The following ZMAT4 variants were observed in gnomAD, a reference collection of about 807,000 sequenced individuals.
ZMAT4 encodes the protein zinc finger matrin-type protein 4.
In ZMAT4, 17 loss-of-function variants were observed where a neutral mutation model predicts 28.7. The ratio of observed to expected loss-of-function variants is 0.59; its 90% CI spans 0.41 to 0.89. ZMAT4 has a LOEUF of 0.89. Among genes scored for constraint, ZMAT4 ranks in the 40% least tolerant of loss-of-function variants. The probability of loss-of-function intolerance (pLI) is 0.00; values close to 1 mark genes in which losing one functional copy is unlikely to be tolerated. For missense variants in ZMAT4, 240 were observed against 283.8 expected, an observed-to-expected ratio of 0.85 and a Z score of 1.11; for synonymous variants, 117 against 109.2, an observed-to-expected ratio of 1.07 and a Z score of -0.44.
chr8:40,749,652 A>G (rs911017564), intron 3 of ZMAT4, among the ~76,000 whole-genome samples: 3 of 152,212 alleles, frequency 2.0e-5, no homozygotes, highest in African/African-American at 4.8e-5. Flanking sequence ...TACTCTCACA[A>G]AAAATGTTCT....
chr8:40,714,432 A>G (rs1018817778), intron 3 of ZMAT4, among the ~76,000 whole-genome samples: 13 of 152,368 alleles, frequency 8.5e-5, no homozygotes, highest in Non-Finnish European at 1.9e-4. Context: ...TTGATACATT[A>G]GGAAAAAGCT....
intron 6 of ZMAT4, among the ~76,000 whole-genome samples, chr8:40,555,904 G>A (rs756268118): frequency 6.6e-5 from 10 of 151,958 alleles, no homozygotes; most frequent in Admixed American, 2.0e-4. Flanking sequence ...CCACTCAACC[G>A]ACTGCCTTGG....
intron 5 of ZMAT4, among the ~76,000 whole-genome samples, chr8:40,664,568 G>A (rs1193509276): frequency 2.0e-5 from 3 of 152,182 alleles, no homozygotes; most frequent in Non-Finnish European, 4.4e-5. Context: ...GGCTTTAGGA[G>A]TAGACCCTCC....
chr8:40,887,444 G>A (rs561012909), intron 1 of ZMAT4, among the ~76,000 whole-genome samples: 1 of 145,824 alleles, frequency 6.9e-6, no homozygotes, highest in Admixed American at 6.9e-5. Flanking sequence ...AGCTGAGATT[G>A]TACCACTGCA....
chr8:40,870,687 A>G (rs1234961423), intron 1 of ZMAT4, among the ~76,000 whole-genome samples: 2 of 152,208 alleles, frequency 1.3e-5, no homozygotes, highest in African/African-American at 4.8e-5. Flanking sequence ...TGGCACCAAC[A>G]TGTCCTTCAA....
chr8:40,541,132 A>T (rs1803014749), intron 6 of ZMAT4, among the ~76,000 whole-genome samples: 1 of 152,220 alleles, frequency 6.6e-6, no homozygotes, highest in African/African-American at 2.4e-5. Context: ...CATACCTGGT[A>T]CATATGGAGC....
chr8:40,772,678 T>C (rs1400615166), intron 2 of ZMAT4, among the ~76,000 whole-genome samples: 1 of 152,238 alleles, frequency 6.6e-6, no homozygotes, highest in African/African-American at 2.4e-5. Flanking sequence ...AAATAAGCTT[T>C]AAGATCCATT....
intron 3 of ZMAT4, among the ~76,000 whole-genome samples, chr8:40,715,312 C>A (rs1398506956): frequency 6.6e-6 from 1 of 151,996 alleles, no homozygotes; most frequent in African/African-American, 2.4e-5. Flanking sequence ...CCAAACAGAG[C>A]CTTATAGCTG....
At chr8:40,808,575 CA>C (rs745844578) in intron 2 of ZMAT4, 55,652 of 340,292 alleles carry the variant, frequency 0.16, no homozygotes, top group South Asian at 0.25. Flanking sequence ...CACCACACTG[CA>C]AAAAAAAAAA....
chr8:40,884,035 A>G (rs1411154091), intron 1 of ZMAT4, among the ~76,000 whole-genome samples: 1 of 152,148 alleles, frequency 6.6e-6, no homozygotes, highest in Admixed American at 6.5e-5. Context: ...ACTCTCTGTC[A>G]TTGTCTGGCA....
At position 40,621,137 on chromosome 8, in the gene ZMAT4, T is replaced by A. The variant is rs78808138; in HGVS notation, c.578-39876A>T. Reference sequence around the variant, plus strand: ...TGGGCTCAGTGGAGGCAGAACACTGTAGTTAAAATCTCAGCCCTACCAGCG... The same window carrying A: ...TGGGCTCAGTGGAGGCAGAACACTGAAGTTAAAATCTCAGCCCTACCAGCG... On this transcript the variant is annotated intron_variant, in intron 5 of 6. Coordinates refer to ENST00000297737, the MANE Select transcript of ZMAT4 (RefSeq NM_024645.3). Among the ~76,000 whole-genome samples, 489 of 152,242 alleles carry A rather than the reference T, an allele frequency of 3.2e-3. 6 individuals are homozygous for A. The highest frequency in any genetic ancestry group is 0.011 in the African/African-American group (449 of 41,550).
At chr8:40,714,909 C>T (rs993378329) in intron 3 of ZMAT4, among the ~76,000 whole-genome samples, 7 of 151,734 alleles carry the variant, frequency 4.6e-5, no homozygotes, top group East Asian at 1.9e-4. Context: ...ATTAGCCAGG[C>T]GTGGTGGCAC....
intron 1 of ZMAT4, among the ~76,000 whole-genome samples, chr8:40,839,371 C>T (rs1816614906): frequency 6.6e-6 from 1 of 152,150 alleles, no homozygotes; most frequent in African/African-American, 2.4e-5. Flanking sequence ...ATGGCAAAGC[C>T]CAGAGGTTTG....
At chr8:40,850,359 C>A (rs1051054539) in intron 1 of ZMAT4, among the ~76,000 whole-genome samples, 1 of 152,190 alleles carries the variant, frequency 6.6e-6, no homozygotes, top group Non-Finnish European at 1.5e-5. Flanking sequence ...GGAGCAAGCA[C>A]AGATGAGGAA....
chr8:40,659,057 C>T (rs1347227546), intron 5 of ZMAT4, among the ~76,000 whole-genome samples: 1 of 152,082 alleles, frequency 6.6e-6, no homozygotes, highest in African/African-American at 2.4e-5. Context: ...GACTTCCATT[C>T]GCATGGTAAC....
intron 5 of ZMAT4, among the ~76,000 whole-genome samples, chr8:40,637,540 G>A (rs1473938661): frequency 1.3e-5 from 2 of 152,108 alleles, no homozygotes; most frequent in African/African-American, 4.8e-5. Context: ...GAGATTAAGG[G>A]GATTCAATTA....
At chr8:40,742,066 C>T (rs1812027361) in intron 3 of ZMAT4, among the ~76,000 whole-genome samples, 1 of 144,242 alleles carries the variant, frequency 6.9e-6, no homozygotes, top group Non-Finnish European at 1.5e-5. Flanking sequence ...TGGCAAAACT[C>T]TGTCTCTACT....
intron 6 of ZMAT4, among the ~76,000 whole-genome samples, chr8:40,572,824 C>T (rs1804140552): frequency 1.3e-5 from 2 of 152,036 alleles, no homozygotes; most frequent in Middle Eastern, 3.2e-3. Context: ...ACAGCTTTTG[C>T]CCCAAAATGT....
chr8:40,858,469 A>G (rs1044225223), intron 1 of ZMAT4, among the ~76,000 whole-genome samples: 1 of 152,138 alleles, frequency 6.6e-6, no homozygotes, highest in African/African-American at 2.4e-5. Flanking sequence ...TCTGGATCCT[A>G]AGATTGACAG....
Sources: gnomAD v4.1 joint callset for allele counts (sites outside exome capture counted in the v4.1 genomes callset) on GRCh38, gnomAD v4.1.1 for gene constraint, MANE v1.5 for transcripts, NCBI Gene and HGNC (gene_info 2026-07-23, HGNC 2026-07-21) for gene names.